CAPRIN2: variants seen among roughly 807,000 people sequenced by gnomAD.
CAPRIN2 encodes caprin-2.
CAPRIN2 carries 66 observed loss-of-function variants against 130.4 expected under a neutral mutation model. The observed-to-expected ratio is 0.51, with a 90% CI of 0.42 to 0.62. The LOEUF is 0.62. Ranked by LOEUF, CAPRIN2 falls within the 20% of genes least tolerant of loss-of-function variation. CAPRIN2 has a pLI of 0.00. For missense variants in CAPRIN2, 1,185 were observed against 1,246.6 expected (o/e 0.95, Z 0.74); for synonymous variants, 471 against 444.1 (o/e 1.06, Z -0.76).
chr12:30,736,551 A>AT (rs1220642267), intron 3 of CAPRIN2, among the ~76,000 whole-genome samples: 5 of 152,216 alleles, frequency 3.3e-5, no homozygotes, highest in Non-Finnish European at 7.3e-5. Context: ...CTGTGGCATA[A>AT]TTAATCCCTT....
At chr12:30,716,787 C>T in intron 12 of CAPRIN2, 111 bp from the exon 15 acceptor site, 1 of 823,298 alleles carries the variant, frequency 1.2e-6, no homozygotes, top group Non-Finnish European at 2.0e-6. Flanking sequence ...AGGCAAAGGA[C>T]TTGAATAGAC....
At chr12:30,714,444 A>G (rs1555133089) in intron 14 of CAPRIN2, among the ~76,000 whole-genome samples, 1 of 152,208 alleles carries the variant, frequency 6.6e-6, no homozygotes, top group Non-Finnish European at 1.5e-5. Context: ...TGGCATCCCA[A>G]AGTAATGGGA....
chr12:30,731,353 G>A, exon 6 of CAPRIN2: 1 of 1,612,094 alleles, frequency 6.2e-7, no homozygotes, highest in Non-Finnish European at 8.5e-7. Flanking sequence ...CTGACTCTTT[G>A]ACAGATTCAG....
intron 15 of CAPRIN2, among the ~76,000 whole-genome samples, chr12:30,712,684 A>C (rs2055441774): frequency 6.6e-6 from 1 of 152,078 alleles, no homozygotes; most frequent in Non-Finnish European, 1.5e-5. Context: ...GAGAAGTGAT[A>C]AATGAGGGGT....
exon 11 of CAPRIN2, chr12:30,723,288 G>C: frequency 1.9e-6 from 3 of 1,612,120 alleles, no homozygotes; most frequent in Non-Finnish European, 1.7e-6. Context: ...AAATCACTTT[G>C]ACTGGACAGA....
At chr12:30,731,644 A>G (rs940730802) in intron 5 of CAPRIN2, 134 bp from the exon 7 acceptor site, 2 of 693,442 alleles carry the variant, frequency 2.9e-6, no homozygotes, top group Admixed American at 6.0e-5. Flanking sequence ...ACATCCTTAC[A>G]ATAGTTTACA....
At chr12:30,745,177 AT>A (rs947100227) in intron 2 of CAPRIN2, among the ~76,000 whole-genome samples, 10 of 152,354 alleles carry the variant, frequency 6.6e-5, no homozygotes, top group Non-Finnish European at 1.3e-4. Flanking sequence ...CAGGTACCAC[AT>A]TCTAATTCTT....
At chr12:30,713,089 T>C (rs938976592) in intron 15 of CAPRIN2, among the ~76,000 whole-genome samples, 1 of 152,190 alleles carries the variant, frequency 6.6e-6, no homozygotes, top group Admixed American at 6.5e-5. Flanking sequence ...TCCTACCCTA[T>C]GTAACTGTAA....
intron 10 of CAPRIN2, among the ~76,000 whole-genome samples, chr12:30,723,608 T>C (rs1361511784): frequency 6.6e-6 from 1 of 152,164 alleles, no homozygotes; most frequent in Non-Finnish European, 1.5e-5. Flanking sequence ...CTGATAATAG[T>C]GACCAGGAAG....
intron 1 of CAPRIN2, 137 bp from the exon 3 acceptor site, chr12:30,751,270 C>A (rs150354681): frequency 2.9e-5 from 20 of 679,816 alleles, no homozygotes; most frequent in Admixed American, 4.4e-5. Context: ...TTTTACTATA[C>A]GGCATGCAGC....
chr12:30,711,519 TAG>T, intron 16 of CAPRIN2, 45 bp downstream of exon 18: 1 of 1,409,584 alleles, frequency 7.1e-7, no homozygotes, highest in Non-Finnish European at 1.0e-6. Context: ...CAGAAAGAAC[TAG>T]AGACATGTGC....
At chr12:30,754,538 C>CG (rs919655223), upstream of CAPRIN2, 5 of 152,302 alleles carry the variant, frequency 3.3e-5, no homozygotes, top group African/African-American at 9.6e-5. Flanking sequence ...ACAGCCGCCC[C>CG]GGGTACGCAG....
chr12:30,710,541 C>A lies in CAPRIN2; in HGVS notation c.2666-71G>T. On this transcript the variant is annotated intron_variant, in intron 16 of 16. Coordinates refer to ENST00000298892, the Ensembl canonical transcript of CAPRIN2. This position sits in a 1 kb window ranked among gnomAD's most constrained non-coding sequence, Gnocchi z 4.8. Reference sequence around the variant, plus strand: ...TTTGAACACAATATTTAACATTAGTCGGCTACTGAAACAGACAAAGATACA... The same window carrying A: ...TTTGAACACAATATTTAACATTAGTAGGCTACTGAAACAGACAAAGATACA... 6.3e-7 allele frequency: 1 copy of A among 1,592,730 alleles called. No homozygotes were observed. The highest frequency in any genetic ancestry group is 1.1e-5 in the South Asian group (1 of 89,640).
At chr12:30,721,797 T>C (rs1400098225) in intron 11 of CAPRIN2, among the ~76,000 whole-genome samples, 1 of 152,230 alleles carries the variant, frequency 6.6e-6, no homozygotes. Context: ...CATTATGATA[T>C]GTTGCTTTTT....
chr12:30,739,787 T>C (rs556210809), intron 3 of CAPRIN2, among the ~76,000 whole-genome samples: 2 of 152,224 alleles, frequency 1.3e-5, no homozygotes, highest in East Asian at 1.9e-4. Context: ...TTGGACTATT[T>C]ATAGCAACTT....
At position 30,730,066 on chromosome 12, in the gene CAPRIN2, G is replaced by T. The variant is rs572747795; in HGVS notation, c.1104+173C>A. On this transcript the variant is annotated intron_variant, in intron 7 of 16. Transcript: ENST00000298892. Reference sequence around the variant, plus strand: ...TTAACGTTATCCCTATTTTACATATGAGGATAACAGACACAGCTGGACCAG... The same window carrying T: ...TTAACGTTATCCCTATTTTACATATTAGGATAACAGACACAGCTGGACCAG... 1.3e-4 allele frequency among the ~76,000 whole-genome samples: 20 copies of T among 152,268 alleles called. No homozygotes were observed. In the East Asian group the frequency reaches 3.7e-3, roughly 28 times the overall value.
chr12:30,751,026 A>G, intron 2 of CAPRIN2, 45 bp downstream of exon 3: 1 of 1,409,340 alleles, frequency 7.1e-7, no homozygotes, highest in Non-Finnish European at 1.0e-6. Flanking sequence ...TTTTATTAAG[A>G]AAAGAAAACC....
chr12:30,736,118 G>A (rs886084910), intron 3 of CAPRIN2, among the ~76,000 whole-genome samples: 1 of 150,760 alleles, frequency 6.6e-6, no homozygotes, highest in African/African-American at 2.5e-5. Flanking sequence ...TCCAGCCTGG[G>A]CAACAGAGTG....
rs1442061573 is a variant in CAPRIN2, at chr12:30,715,237, C to T, written c.2318-96G>A. 3.0e-6 allele frequency: 3 copies of T among 998,444 alleles called. No homozygotes were observed. In the Admixed American group the frequency reaches 6.4e-5, roughly 21 times the overall value. 61.8% of individuals were successfully genotyped at this position (998,444 alleles called of 1,614,324 possible). Reference sequence around the variant, plus strand: ...ATATCAAAATCATTAATACAATTTGCTGCCTTTAAAAATAAATAGGAGATA... The same window carrying T: ...ATATCAAAATCATTAATACAATTTGTTGCCTTTAAAAATAAATAGGAGATA... On this transcript the variant is annotated intron_variant, in intron 13 of 16. Transcript: ENST00000298892.
Sources: gnomAD v4.1 joint callset for allele counts (sites outside exome capture counted in the v4.1 genomes callset) on GRCh38, gnomAD v4.1.1 for gene constraint, Gnocchi (gnomAD v3.1) non-coding constraint, MANE v1.5 for transcripts, NCBI Gene and HGNC (gene_info 2026-07-23, HGNC 2026-07-21) for gene names.